ZNF445: variants seen among roughly 807,000 people sequenced by gnomAD.
ZNF445 encodes the protein zinc finger protein 445.
ZNF445 carries 19 observed loss-of-function variants against 93.9 expected under a neutral mutation model. The observed-to-expected ratio is 0.20, with a 90% CI of 0.14 to 0.30. The LOEUF is 0.30. ZNF445 is among the 10% of genes least tolerant of loss of function. The probability of loss-of-function intolerance (pLI) is 1.00; values close to 1 mark genes in which losing one functional copy is unlikely to be tolerated. For synonymous variants in ZNF445, 449 were observed against 446.3 expected (o/e 1.01, Z -0.08); for missense variants, 1,058 against 1,259.4 (o/e 0.84, Z 2.42).
At chr3:44,452,952 T>G (rs1697976264) in intron 3 of ZNF445, among the ~76,000 whole-genome samples, 1 of 151,820 alleles carries the variant, frequency 6.6e-6, no homozygotes, top group South Asian at 2.1e-4. Context: ...TCTTGCTCTT[T>G]CGCCAGGATG....
At chr3:44,471,214 T>C (rs985634645) in intron 1 of ZNF445, among the ~76,000 whole-genome samples, 10 of 152,218 alleles carry the variant, frequency 6.6e-5, no homozygotes, top group African/African-American at 1.9e-4. Flanking sequence ...AGCAATCTCA[T>C]CAGTATCTTC....
At chr3:44,463,562 G>C (rs1215591381) in intron 1 of ZNF445, among the ~76,000 whole-genome samples, 2 of 152,192 alleles carry the variant, frequency 1.3e-5, no homozygotes, top group African/African-American at 4.8e-5. Context: ...ATGGTTTTGA[G>C]TTTTGGGGTA....
rs1697858899 is a variant in ZNF445 at position 44,444,826 on chromosome 3, C to A, written c.*1749G>T. 6.6e-6 allele frequency: 1 copy of A among 152,192 alleles called. No homozygotes were observed. The highest frequency in any genetic ancestry group is 1.5e-5 in the Non-Finnish European group (1 of 68,058). 9.4% of individuals were successfully genotyped at this position (152,192 alleles called of 1,614,324 possible). ...AAAAAGACATCTTCCAGGTTGGTTT[C>A]TTCTCATTTCAAGAAATGACCAGCT... On this transcript the variant is annotated 3_prime_UTR_variant, in exon 8 of 8. Transcript: ENST00000396077.
At chr3:44,451,242 G>A in intron 4 of ZNF445, 72 bp downstream of exon 4, 5 of 1,540,098 alleles carry the variant, frequency 3.2e-6, no homozygotes, top group Non-Finnish European at 4.5e-6. Flanking sequence ...GGACAGATGT[G>A]GAAAGACAAC....
chr3:44,470,381 A>C (rs976248325), intron 1 of ZNF445, among the ~76,000 whole-genome samples: 1 of 152,232 alleles, frequency 6.6e-6, no homozygotes, highest in Non-Finnish European at 1.5e-5. Context: ...CTGTATACGC[A>C]TGTATGTGAA....
chr3:44,464,190 T>C (rs995201165), intron 1 of ZNF445, among the ~76,000 whole-genome samples: 1 of 152,162 alleles, frequency 6.6e-6, no homozygotes, highest in African/African-American at 2.4e-5. Flanking sequence ...TCCTGTAGTA[T>C]TTCCCTTATT....
In ZNF445 at chr3:44,434,422, A is replaced by G. The variant is rs957151914; in HGVS notation, c.*12153T>C. The G allele has an allele frequency of 5.3e-5, 8 of 151,840 alleles. No homozygotes were observed. Among genetic ancestry groups the G allele is most frequent in the African/African-American group, 1.5e-4 (6 of 41,350 alleles). 9.4% of individuals were successfully genotyped at this position (151,840 alleles called of 1,614,324 possible). A position where few individuals can be genotyped will look rare whatever the true frequency, so the allele number is the denominator to read the frequency against. Reference sequence around the variant, plus strand: ...ACTCTGTCTCAAAAAAGAAAAAAAAAAGAGAGAAAGAAGTTTTGGAAACAT... The same window carrying G: ...ACTCTGTCTCAAAAAAGAAAAAAAAGAGAGAGAAAGAAGTTTTGGAAACAT... On this transcript the variant is annotated 3_prime_UTR_variant, in exon 8 of 8. Coordinates refer to ENST00000396077, the MANE Select transcript of ZNF445 (RefSeq NM_181489.6).
rs1325135787 is a variant in ZNF445, at chr3:44,434,042, AATT to A, written c.*12530_*12532del. ...CATTTCCCCAAAATGTTAAATGTGGAATTATGTGATTCAGAAAATCACATACAA... is the reference window on the plus strand; with the variant it reads ...CATTTCCCCAAAATGTTAAATGTGGAATGTGATTCAGAAAATCACATACAA... On this transcript the variant is annotated 3_prime_UTR_variant, in exon 8 of 8. Transcript: ENST00000396077. 2 of 152,164 alleles carry A rather than the reference AATT, an allele frequency of 1.3e-5. No individual in the cohort carries two copies. Among genetic ancestry groups the A allele is most frequent in the African/African-American group, 4.8e-5 (2 of 41,438 alleles). The allele number at this position is 152,164 out of a possible 1,614,324, so 9.4% of individuals were successfully genotyped here.
In ZNF445 at chr3:44,444,299, T is replaced by TG. The variant is rs1164677281; in HGVS notation, c.*2275dup. 2.0e-5 allele frequency: 3 copies of TG among 152,232 alleles called. No homozygotes were observed. The highest frequency in any genetic ancestry group is 1.3e-4 in the Admixed American group (2 of 15,280). 9.4% of individuals were successfully genotyped at this position (152,232 alleles called of 1,614,324 possible). On this transcript the variant is annotated 3_prime_UTR_variant, in exon 8 of 8. Coordinates refer to ENST00000396077, the MANE Select transcript of ZNF445 (RefSeq NM_181489.6). ...CCAACTGACATGGAAGCTGCACCTC[T>TG]GAGAGGGCCCTGGTCCTAGAGGTCA...
intron 2 of ZNF445, 130 bp from the exon 3 acceptor site, chr3:44,455,826 G>C (rs557626240): frequency 2.9e-6 from 1 of 345,836 alleles, no homozygotes; most frequent in East Asian, 5.0e-5. Context: ...AAGTAGACCA[G>C]AGCTAGGCTG....
Position 44,455,624 on chromosome 3 carries a change from T to G in ZNF445, c.-75A>C. The G allele has an allele frequency of 7.1e-7, 1 of 1,403,370 alleles. No homozygotes were observed. The highest frequency in any genetic ancestry group is 1.4e-5 in the South Asian group (1 of 70,490). The allele number at this position is 1,403,370 out of a possible 1,614,324, so 86.9% of individuals were successfully genotyped here. On this transcript the variant is annotated 5_prime_UTR_variant, in exon 3 of 8. The change abolishes the stop of an existing upstream ORF in the 5' untranslated region. Transcript: ENST00000396077. ...GACGTGGGTCCTCAGAAGTATCTTCTCAGCAGTCAACAATGCCAACATTTG... is the reference window on the plus strand; with the variant it reads ...GACGTGGGTCCTCAGAAGTATCTTCGCAGCAGTCAACAATGCCAACATTTG...
intron 1 of ZNF445, among the ~76,000 whole-genome samples, chr3:44,466,182 A>T (rs769683350): frequency 5.3e-5 from 8 of 152,032 alleles, no homozygotes; most frequent in Non-Finnish European, 8.8e-5. Flanking sequence ...TTTCTTTTTT[A>T]AAAAAAATTT....
intron 6 of ZNF445, chr3:44,450,238 C>T (rs1697938692): frequency 1.7e-6 from 1 of 593,732 alleles, no homozygotes; most frequent in Non-Finnish European, 2.9e-6. Context: ...CACACCCAGC[C>T]ACCTTTAATC....
intron 3 of ZNF445, among the ~76,000 whole-genome samples, chr3:44,452,334 T>A (rs1269971745): frequency 6.6e-6 from 1 of 151,984 alleles, no homozygotes; most frequent in Non-Finnish European, 1.5e-5. Context: ...TCCCGTTTTT[T>A]ATTCTTCTAA....
chr3:44,469,414 G>C (rs4431151), intron 1 of ZNF445, among the ~76,000 whole-genome samples: 64,122 of 152,054 alleles, frequency 0.42, 14,470 homozygotes, highest in East Asian at 0.86. Flanking sequence ...CTCCTCTGTG[G>C]GGTCTGAAAT....
chr3:44,439,006 T>G lies in ZNF445; in HGVS notation c.*7569A>C, dbSNP rs1450290923. ...ACATTGTGCACATGTACCCTAAAAG[T>G]ATAAAAAAAAAAAAAACAAGGACTC... On this transcript the variant is annotated 3_prime_UTR_variant, in exon 8 of 8. Transcript: ENST00000396077. 7.7e-5 allele frequency: 5 copies of G among 64,660 alleles called. No homozygotes were observed. Among genetic ancestry groups the G allele is most frequent in the Non-Finnish European group, 1.4e-4 (5 of 34,728 alleles). The allele number at this position is 64,660 out of a possible 1,614,324, so 4.0% of individuals were successfully genotyped here.
intron 1 of ZNF445, among the ~76,000 whole-genome samples, chr3:44,461,869 C>T (rs1698118903): frequency 6.6e-6 from 1 of 152,104 alleles, no homozygotes; most frequent in African/African-American, 2.4e-5. Flanking sequence ...GCTTGAACCC[C>T]ACAGCTATGG....
chr3:44,472,083 A>G (rs965109351), intron 1 of ZNF445, among the ~76,000 whole-genome samples: 3 of 152,168 alleles, frequency 2.0e-5, no homozygotes, highest in Admixed American at 2.0e-4. Context: ...TGCAGAACAG[A>G]CAGAAGAGAA....
Position 44,437,138 on chromosome 3 carries a change from C to G in ZNF445, c.*9437G>C, listed in dbSNP as rs967938948. 1 of 152,190 alleles carries G rather than the reference C, an allele frequency of 6.6e-6. No individual in the cohort carries two copies. The highest frequency in any genetic ancestry group is 2.4e-5 in the African/African-American group (1 of 41,434). The allele number at this position is 152,190 out of a possible 1,614,324, so 9.4% of individuals were successfully genotyped here. On this transcript the variant is annotated 3_prime_UTR_variant, in exon 8 of 8. Transcript: ENST00000396077. The stretch of plus-strand genomic sequence containing the variant: ...ATTATTCATGCCTCCCCTCTCCAGG[C>G]CATATAGGGTAACTTCCTGATGTTG...
Sources: allele counts gnomAD v4.1 joint callset (sites outside exome capture counted in the v4.1 genomes callset), GRCh38; gene constraint gnomAD v4.1.1; transcripts MANE v1.5; gene names NCBI Gene and HGNC (gene_info 2026-07-23, HGNC 2026-07-21).